Variants in GDPD1 observed in about 807,000 individuals in gnomAD.
GDPD1 encodes the protein lysophospholipase D GDPD1.
GDPD1 carries 28 observed loss-of-function variants against 45.1 expected under a neutral mutation model. The observed-to-expected ratio is 0.62, with a 90% CI of 0.46 to 0.85. GDPD1 has a LOEUF of 0.85. GDPD1 is among the 40% of genes least tolerant of loss of function. The pLI, the probability that GDPD1 is intolerant of heterozygous loss-of-function variation, is 0.00. For missense variants in GDPD1, 256 were observed against 364.8 expected (o/e 0.70, Z 2.43); for synonymous variants, 139 against 131.4 (o/e 1.06, Z -0.40).
intron 6 of GDPD1, among the ~76,000 whole-genome samples, chr17:59,266,387 CAAA>C (rs540974713): frequency 4.6e-5 from 3 of 64,734 alleles, no homozygotes; most frequent in Non-Finnish European, 3.6e-5. Context: ...GACTCCGTCT[CAAA>C]AAAAAAAAAA....
At chr17:59,253,788 T>C (rs974221455) in intron 4 of GDPD1, among the ~76,000 whole-genome samples, 1 of 152,046 alleles carries the variant, frequency 6.6e-6, no homozygotes, top group African/African-American at 2.4e-5. Flanking sequence ...GCTTGGGTCA[T>C]GTGGCCATCC....
chr17:59,225,090 C>CTTTTTT (rs796851725), intron 1 of GDPD1, among the ~76,000 whole-genome samples: 279 of 113,628 alleles, frequency 2.5e-3, no homozygotes, highest in Middle Eastern at 4.5e-3. Context: ...TCTTTCTTTT[C>CTTTTTT]TTTTTTTTTT....
In GDPD1 at chr17:59,220,511, G is replaced by T. The variant is rs1019050358; in HGVS notation, c.-99G>T. On this transcript the variant is annotated 5_prime_UTR_variant, in exon 1 of 10. Coordinates refer to ENST00000284116, the MANE Select transcript of GDPD1 (RefSeq NM_182569.4). ...TGCACCAGTGGCACCGGCTGGGGGC[G>T]AGCCGACCTCGAGCAGCCGCCGCCG... 1 of 1,346,090 alleles carries T rather than the reference G, an allele frequency of 7.4e-7. No homozygotes were observed. The highest frequency in any genetic ancestry group is 1.0e-6 in the Non-Finnish European group (1 of 969,388). The allele number at this position is 1,346,090 out of a possible 1,614,324, so 83.4% of individuals were successfully genotyped here.
At chr17:59,245,593 G>T in intron 3 of GDPD1, 44 bp downstream of exon 3, 2 of 1,473,016 alleles carry the variant, frequency 1.4e-6, no homozygotes, top group East Asian at 2.4e-5. Flanking sequence ...TAGATGTCGC[G>T]GCCTATAAGA....
chr17:59,273,932 A>G lies in GDPD1; in HGVS notation c.*159A>G, dbSNP rs2147910783. The G allele has an allele frequency of 1.2e-6, 1 of 815,918 alleles. No individual in the cohort carries two copies. The highest frequency in any genetic ancestry group is 1.8e-5 in the African/African-American group (1 of 54,624). 50.5% of individuals were successfully genotyped at this position (815,918 alleles called of 1,614,324 possible). A position where few individuals can be genotyped will look rare whatever the true frequency, so the allele number is the denominator to read the frequency against. On this transcript the variant is annotated 3_prime_UTR_variant, in exon 10 of 10. Coordinates refer to ENST00000284116, the MANE Select transcript of GDPD1 (RefSeq NM_182569.4). ...TATGAGAATGTAGAAACTATATATT[A>G]TATGTATATTTATTTTAAATAATAT...
chr17:59,226,632 C>T (rs190163866), intron 1 of GDPD1, among the ~76,000 whole-genome samples: 102 of 152,168 alleles, frequency 6.7e-4, no homozygotes, highest in African/African-American at 2.0e-3. Context: ...GTATATAAAA[C>T]ATTTTAATGC....
chr17:59,221,471 A>G (rs908914338), intron 1 of GDPD1, among the ~76,000 whole-genome samples: 2 of 151,490 alleles, frequency 1.3e-5, no homozygotes, highest in South Asian at 4.2e-4. Flanking sequence ...AAATAAATAA[A>G]TAAATAAACA....
At chr17:59,236,624 T>TACCTGG (rs1167663278) in intron 2 of GDPD1, among the ~76,000 whole-genome samples, 1 of 152,142 alleles carries the variant, frequency 6.6e-6, no homozygotes, top group Non-Finnish European at 1.5e-5. Context: ...GCTTCCCGAA[T>TACCTGG]ACCTGGGATT....
At position 59,220,682 on chromosome 17, in the gene GDPD1, AAAT is replaced by A; in HGVS notation, c.75_77del (p.Lys25_Tyr26delinsAsn). 3.7e-6 allele frequency: 6 copies of A among 1,614,174 alleles called. No individual in the cohort carries two copies. The highest frequency in any genetic ancestry group is 5.1e-6 in the Non-Finnish European group (6 of 1,180,008). On this transcript the variant is annotated inframe_deletion, in exon 1 of 10. Coordinates refer to ENST00000284116, the MANE Select transcript of GDPD1 (RefSeq NM_182569.4). Reference sequence around the variant, plus strand: ...CTTGGTGACCTCATTCTTGTTGCTTAAATACCCGACCTTGCTGCACCAGAGAAA... The same window carrying A: ...CTTGGTGACCTCATTCTTGTTGCTTAACCCGACCTTGCTGCACCAGAGAAA...
intron 2 of GDPD1, among the ~76,000 whole-genome samples, chr17:59,238,615 A>G (rs1281573148): frequency 6.6e-6 from 1 of 152,022 alleles, no homozygotes; most frequent in African/African-American, 2.4e-5. Context: ...GGGTTTCACC[A>G]TGTTAGCCAG....
At chr17:59,272,659 C>T in intron 8 of GDPD1, 126 bp from the exon 9 acceptor site, 1 of 654,646 alleles carries the variant, frequency 1.5e-6, no homozygotes, top group Non-Finnish European at 2.8e-6. Flanking sequence ...GCTATTATTA[C>T]TTGAGACCAT....
chr17:59,244,152 C>G (rs530870986), intron 2 of GDPD1, among the ~76,000 whole-genome samples: 1 of 151,878 alleles, frequency 6.6e-6, no homozygotes, highest in Admixed American at 6.6e-5. Flanking sequence ...AGATCAAGTG[C>G]CCAGTTTGAC....
At chr17:59,255,762 A>ATATAT (rs1555724154) in intron 4 of GDPD1, among the ~76,000 whole-genome samples, 1 of 44,352 alleles carries the variant, frequency 2.3e-5, no homozygotes, top group Non-Finnish European at 3.5e-5. Flanking sequence ...AAAAAAAAAA[A>ATATAT]ATATATATAT....
chr17:59,222,952 G>A (rs1369416581), intron 1 of GDPD1, among the ~76,000 whole-genome samples: 5 of 152,174 alleles, frequency 3.3e-5, no homozygotes, highest in African/African-American at 1.2e-4. Flanking sequence ...CCTCTAAAAA[G>A]CTATCTAAAC....
intron 7 of GDPD1, among the ~76,000 whole-genome samples, chr17:59,270,383 G>A (rs564894255): frequency 4.8e-4 from 56 of 117,706 alleles, no homozygotes; most frequent in Non-Finnish European, 8.5e-4. Flanking sequence ...TAGTAGAGAC[G>A]GGGGGGGGTT....
intron 5 of GDPD1, 71 bp from the exon 6 acceptor site, chr17:59,257,680 T>A: frequency 1.1e-6 from 1 of 919,754 alleles, no homozygotes; most frequent in South Asian, 1.4e-5. Context: ...TCTAATTCAT[T>A]TTTTAAGTGA....
At chr17:59,264,853 T>A (rs894142438) in intron 6 of GDPD1, among the ~76,000 whole-genome samples, 6 of 152,082 alleles carry the variant, frequency 3.9e-5, no homozygotes, top group Admixed American at 1.3e-4. Context: ...TATAATTTTT[T>A]AATTTGAGAC....
At chr17:59,270,694 G>T (rs941433729) in intron 7 of GDPD1, among the ~76,000 whole-genome samples, 33 of 152,096 alleles carry the variant, frequency 2.2e-4, no homozygotes, top group African/African-American at 7.0e-4. Flanking sequence ...ATTTATTTAT[G>T]TATGCATTTA....
At chr17:59,273,485 T>C (rs1301538292) in intron 9 of GDPD1, among the ~76,000 whole-genome samples, 166 bp from the exon 10 acceptor site, 2 of 152,172 alleles carry the variant, frequency 1.3e-5, no homozygotes, top group Non-Finnish European at 2.9e-5. Context: ...CTCATTCCTG[T>C]AAGGAACAAA....
Sources: gnomAD v4.1 joint callset for allele counts (sites outside exome capture counted in the v4.1 genomes callset) on GRCh38, gnomAD v4.1.1 for gene constraint, MANE v1.5 for transcripts, NCBI Gene and HGNC (gene_info 2026-07-23, HGNC 2026-07-21) for gene names.